RXFP1: variants seen among roughly 807,000 people sequenced by gnomAD.
RXFP1 encodes relaxin family peptide receptor 1.
Under a neutral mutation model 89.8 loss-of-function variants are expected in RXFP1, and 73 were observed. That is an observed-to-expected ratio of 0.81 (90% confidence interval 0.67 to 0.99). The LOEUF (loss-of-function observed/expected upper bound fraction) is 0.99. Among genes scored for constraint, RXFP1 ranks in the 50% least tolerant of loss-of-function variants. The pLI, the probability that RXFP1 is intolerant of heterozygous loss-of-function variation, is 0.00. For missense variants in RXFP1, 793 were observed against 895.5 expected (o/e 0.89, Z 1.46); for synonymous variants, 277 against 305.5 (o/e 0.91, Z 0.97).
chr4:158,617,250 G>A, intron 9 of RXFP1, 45 bp downstream of exon 9: 2 of 1,393,496 alleles, frequency 1.4e-6, no homozygotes, highest in Non-Finnish European at 2.0e-6. Context: ...TAAATTTTCT[G>A]TTTTTACCTA....
intron 15 of RXFP1, 139 bp from the exon 16 acceptor site, chr4:158,646,652 A>C (rs1377702241): frequency 6.9e-7 from 1 of 1,439,744 alleles, no homozygotes; most frequent in South Asian, 1.6e-5. Context: ...TAAATGAATT[A>C]TTAGGAGAAT....
intron 4 of RXFP1, among the ~76,000 whole-genome samples, chr4:158,603,688 G>A (rs1183980120): frequency 2.0e-5 from 3 of 151,758 alleles, no homozygotes; most frequent in Non-Finnish European, 2.9e-5. Context: ...TCAGGAGTTC[G>A]AGACCAGCCT....
chr4:158,550,002 G>T (rs532474758), intron 1 of RXFP1, among the ~76,000 whole-genome samples: 1 of 152,366 alleles, frequency 6.6e-6, no homozygotes, highest in East Asian at 1.9e-4. Context: ...ATTTAAGCCT[G>T]CAGAGGTTAC....
At chr4:158,526,263 A>G (rs1742486170) in intron 1 of RXFP1, among the ~76,000 whole-genome samples, 1 of 152,258 alleles carries the variant, frequency 6.6e-6, no homozygotes, top group Non-Finnish European at 1.5e-5. Flanking sequence ...CAGCACATGA[A>G]ACTTAGCTAT....
rs1221368927 is a variant in RXFP1, at chr4:158,626,877, T to A, written c.813T>A (p.Ser271Arg). The change falls in exon 10 of 18, where the codon AGT (serine) becomes AGA (arginine). Residue 271 changes from serine to arginine, a missense_variant. By Grantham distance (110) the Ser-to-Arg change is moderately radical (BLOSUM62 -1). Coordinates refer to ENST00000307765, the MANE Select transcript of RXFP1 (RefSeq NM_021634.4). ...GAAATTTGACTTTTATTTCCTGCAG[T>A]AATTTAACTGTTTTGTAAGTAATAT... is the stretch of plus-strand genomic sequence containing the variant. ...NLRNLTFISCSNLTVLVMRKN... is the reference protein window; with the variant it reads ...NLRNLTFISCRNLTVLVMRKN... 4.6e-6 allele frequency: 7 copies of A among 1,516,456 alleles called. No individual in the cohort carries two copies. Among genetic ancestry groups the A allele is most frequent in the African/African-American group, 1.4e-5 (1 of 71,656 alleles). 93.9% of individuals were successfully genotyped at this position (1,516,456 alleles called of 1,614,324 possible).
intron 1 of RXFP1, among the ~76,000 whole-genome samples, chr4:158,565,033 G>A (rs759025992): frequency 2.0e-4 from 31 of 152,226 alleles, no homozygotes; most frequent in Non-Finnish European, 3.4e-4. Context: ...GAAGAATTTC[G>A]GAGTTCCACT....
chr4:158,646,286 T>C, intron 15 of RXFP1: 1 of 455,530 alleles, frequency 2.2e-6, no homozygotes, highest in Non-Finnish European at 4.4e-6. Flanking sequence ...TAATTATACA[T>C]ATCTCTTAAA....
chr4:158,578,894 C>A (rs760448340), intron 2 of RXFP1, among the ~76,000 whole-genome samples: 1 of 151,172 alleles, frequency 6.6e-6, no homozygotes, highest in Non-Finnish European at 1.5e-5. Context: ...CATTTTGGGT[C>A]GTGTAGTGTG....
chr4:158,607,456 G>A (rs1462946922), intron 5 of RXFP1, among the ~76,000 whole-genome samples: 3 of 152,136 alleles, frequency 2.0e-5, no homozygotes, highest in Admixed American at 6.5e-5. Context: ...CATAGAATAT[G>A]GTTTGGGACA....
chr4:158,604,247 C>T (rs929813910), intron 4 of RXFP1, among the ~76,000 whole-genome samples: 27 of 151,940 alleles, frequency 1.8e-4, no homozygotes, highest in African/African-American at 4.6e-4. Context: ...TATAAGTATC[C>T]GCTCCGTGGT....
intron 1 of RXFP1, among the ~76,000 whole-genome samples, chr4:158,539,057 AC>A (rs1745964168): frequency 6.6e-6 from 1 of 152,194 alleles, no homozygotes; most frequent in African/African-American, 2.4e-5. Context: ...TCACTACTTA[AC>A]CCAGTGACCT....
chr4:158,580,306 T>C (rs953657740), intron 2 of RXFP1, among the ~76,000 whole-genome samples: 2 of 152,186 alleles, frequency 1.3e-5, no homozygotes, highest in East Asian at 3.9e-4. Flanking sequence ...AGGCATGCTC[T>C]GAGCACCCTT....
rs1049164009 is a variant in RXFP1, at chr4:158,531,709, C to T, written c.49+9684C>T. Among the ~76,000 whole-genome samples, 3 of 152,008 alleles carry T rather than the reference C, an allele frequency of 2.0e-5. No individual in the cohort carries two copies. The South Asian group carries it at 6.2e-4, about 32-fold the overall frequency. ...ACATTAAGCATACCAAATCCAGGTA[C>T]GATATATAGTGTAAACATTTTCATG... On this transcript the variant is annotated intron_variant, in intron 1 of 17. Transcript: ENST00000307765.
chr4:158,587,981 A>G (rs1758627107), intron 2 of RXFP1, among the ~76,000 whole-genome samples: 1 of 152,198 alleles, frequency 6.6e-6, no homozygotes, highest in Non-Finnish European at 1.5e-5. Flanking sequence ...CAAGTTTACA[A>G]AAGTAAACTT....
chr4:158,568,379 GAATATTC>G (rs370806188), intron 1 of RXFP1, among the ~76,000 whole-genome samples: 116 of 152,342 alleles, frequency 7.6e-4, no homozygotes, highest in African/African-American at 2.6e-3. Flanking sequence ...ATGTGGAGAA[GAATATTC>G]AAAAGAGCTG....
intron 2 of RXFP1, among the ~76,000 whole-genome samples, chr4:158,583,747 A>T (rs2150036762): frequency 6.6e-6 from 1 of 152,348 alleles, no homozygotes; most frequent in East Asian, 1.9e-4. Context: ...TGTATGGCTT[A>T]CCACCACAAA....
chr4:158,623,057 A>G (rs1765932266), intron 9 of RXFP1, among the ~76,000 whole-genome samples: 1 of 152,218 alleles, frequency 6.6e-6, no homozygotes, highest in Non-Finnish European at 1.5e-5. Flanking sequence ...ATTCTGGCCA[A>G]TGTGCATTAA....
chr4:158,546,894 G>T (rs1255184022), intron 1 of RXFP1, among the ~76,000 whole-genome samples: 1 of 152,096 alleles, frequency 6.6e-6, no homozygotes, highest in African/African-American at 2.4e-5. Flanking sequence ...CATCAAGGAT[G>T]TTGGTCTAAA....
At chr4:158,560,849 T>C (rs1752281160) in intron 1 of RXFP1, among the ~76,000 whole-genome samples, 1 of 152,178 alleles carries the variant, frequency 6.6e-6, no homozygotes, top group Admixed American at 6.5e-5. Flanking sequence ...GTCTCACTGG[T>C]CGGAACTGTG....
Sources: allele counts gnomAD v4.1 joint callset (sites outside exome capture counted in the v4.1 genomes callset), GRCh38; gene constraint gnomAD v4.1.1; transcripts MANE v1.5; gene names NCBI Gene and HGNC (gene_info 2026-07-23, HGNC 2026-07-21).